The following BRCA2 variants were observed in gnomAD, a reference collection of about 807,000 sequenced individuals.
BRCA2 encodes the protein breast cancer type 2 susceptibility protein.
BRCA2 carries 203 observed loss-of-function variants against 276.7 expected under a neutral mutation model. The observed-to-expected ratio is 0.73, with a 90% CI of 0.65 to 0.82. The LOEUF is 0.82. Ranked by LOEUF, BRCA2 falls within the 40% of genes least tolerant of loss-of-function variation. The pLI is 0.00. For synonymous variants in BRCA2, 1,289 were observed against 1,338.4 expected (o/e 0.96, Z 0.81); for missense variants, 3,920 against 3,915.0 (o/e 1.00, Z -0.03).
At chr13:32,375,913 T>C (rs2072868196) in intron 20 of BRCA2, among the ~76,000 whole-genome samples, 1 of 152,132 alleles carries the variant, frequency 6.6e-6, no homozygotes, top group Non-Finnish European at 1.5e-5. Context: ...CCATGATCCA[T>C]GGGCCACAAA....
Position 32,356,336 on chromosome 13 carries a change from C to T in BRCA2, c.7436-92C>T, listed in dbSNP as rs1208967094. 3 of 1,310,420 alleles carry T rather than the reference C, an allele frequency of 2.3e-6. No homozygotes were observed. In the South Asian group the frequency reaches 3.6e-5, roughly 16 times the overall value. The allele number at this position is 1,310,420 out of a possible 1,614,324, so 81.2% of individuals were successfully genotyped here. On this transcript the variant is annotated intron_variant, in intron 14 of 26. Transcript: ENST00000380152. ...CTGCCCGCCTCAGCCTCCCAAAGTG[C>T]TGGGATTACAGGCGTGAGCCACTGT...
intron 20 of BRCA2, among the ~76,000 whole-genome samples, chr13:32,372,629 G>A (rs2072842221): frequency 6.6e-6 from 1 of 151,978 alleles, no homozygotes; most frequent in Admixed American, 6.5e-5. Context: ...CAACACATGG[G>A]GATTACAATT....
chr13:32,329,234 C>T (rs928027537), intron 7 of BRCA2, among the ~76,000 whole-genome samples: 2 of 152,092 alleles, frequency 1.3e-5, no homozygotes, highest in Admixed American at 6.5e-5. Context: ...TATCTTACCA[C>T]CTTGTGAGTA....
intron 4 of BRCA2, 54 bp downstream of exon 4, chr13:32,325,238 A>G: frequency 2.3e-6 from 3 of 1,294,558 alleles, no homozygotes; most frequent in Middle Eastern, 2.5e-4. Flanking sequence ...TCCTACATAT[A>G]TTTGTTCTAT....
At chr13:32,366,868 C>CAA (rs35628833) in intron 18 of BRCA2, among the ~76,000 whole-genome samples, 2 of 116,086 alleles carry the variant, frequency 1.7e-5, no homozygotes, top group African/African-American at 6.7e-5. Context: ...TCAAAAAGAA[C>CAA]AAAAAAAAAA....
rs11571740 is a variant in BRCA2, at chr13:32,369,699, G to A, written c.8332-703G>A. Among the ~76,000 whole-genome samples the A allele has an allele frequency of 0.014, 2,190 of 152,062 alleles. 56 individuals carry two copies. The highest frequency in any genetic ancestry group is 0.067 in the Admixed American group (1,030 of 15,282). On this transcript the variant is annotated intron_variant, in intron 18 of 26. Transcript: ENST00000380152. ...AGCAGTTCTCCTGCCTCAGCCTCCC[G>A]AGTAGCTGGGATTACAGGCGCCCAC...
intron 1 of BRCA2, 34 bp from the exon 2 acceptor site, chr13:32,316,388 C>T (rs1026907148): frequency 2.8e-5 from 36 of 1,303,700 alleles, no homozygotes; most frequent in East Asian, 2.3e-5. Flanking sequence ...GAATGCATCC[C>T]TGTGTAAGTG....
chr13:32,344,931 G>A (rs2072601236), intron 12 of BRCA2, among the ~76,000 whole-genome samples: 1 of 152,126 alleles, frequency 6.6e-6, no homozygotes, highest in African/African-American at 2.4e-5. Context: ...GAAGATATGA[G>A]TTCACTGAGT....
Position 32,370,425 on chromosome 13 carries a change from T to C in BRCA2, c.8355T>C (p.Pro2785=), listed in dbSNP as rs1057524419. 5.6e-6 allele frequency: 9 copies of C among 1,613,932 alleles called. No individual in the cohort carries two copies. Among genetic ancestry groups the C allele is most frequent in the Non-Finnish European group, 5.9e-6 (7 of 1,179,814 alleles). The change falls in exon 19 of 27, where the codon CCT becomes CCC. Residue 2785 remains proline (P), a synonymous_variant. Coordinates refer to ENST00000380152, the MANE Select transcript of BRCA2 (RefSeq NM_000059.4). ...MLKISANSTR[P]ARWYTKLGFF... Reference sequence around the variant, plus strand: ...AGATTTCTGCTAACAGTACTCGGCCTGCTCGCTGGTATACCAAACTTGGAT... The same window carrying C: ...AGATTTCTGCTAACAGTACTCGGCCCGCTCGCTGGTATACCAAACTTGGAT...
intron 18 of BRCA2, among the ~76,000 whole-genome samples, chr13:32,365,210 T>G (rs1161477266): frequency 7.0e-6 from 1 of 143,152 alleles, no homozygotes; most frequent in East Asian, 2.2e-4. Flanking sequence ...CTGTGTTGCC[T>G]AGGCTGGTCT....
At position 32,399,113 on chromosome 13, in the gene BRCA2, C is replaced by T. The variant is rs2137669782; in HGVS notation, c.*343C>T. 4.0e-6 allele frequency: 1 copy of T among 251,878 alleles called. No individual in the cohort carries two copies. The highest frequency in any genetic ancestry group is 1.2e-4 in the South Asian group (1 of 8,094). The allele number at this position is 251,878 out of a possible 1,614,324, so 15.6% of individuals were successfully genotyped here. On this transcript the variant is annotated 3_prime_UTR_variant, in exon 27 of 27. Transcript: ENST00000380152. ...GCCAGGAGTTCAAGACCAGCCTGGG[C>T]AACATAGGGAGACCCCCATCTTTAC...
At position 32,333,302 on chromosome 13, in the gene BRCA2, C is replaced by G. The variant is rs786202186; in HGVS notation, c.1824C>G (p.Asp608Glu). The change falls in exon 10 of 27, where the codon GAC (aspartate) becomes GAG (glutamate). Residue 608 changes from aspartate (D) to glutamate (E), a missense_variant. Asp to Glu is a conservative substitution (Grantham distance 45). Around this residue, in one of 2 missense-constraint regions of BRCA2, gnomAD observed 3,263 missense variants for 3,156.9 expected, o/e 1.03. Coordinates refer to ENST00000380152, the MANE Select transcript of BRCA2 (RefSeq NM_000059.4). ...TSYKGKKIPKDQKSELINCSA... is the reference protein window; with the variant it reads ...TSYKGKKIPKEQKSELINCSA... Reference sequence around the variant, plus strand: ...ATAAAGGAAAAAAAATACCGAAAGACCAAAAATCAGAACTAATTAACTGTT... The same window carrying G: ...ATAAAGGAAAAAAAATACCGAAAGAGCAAAAATCAGAACTAATTAACTGTT... The G allele has an allele frequency of 6.2e-7, 1 of 1,605,590 alleles. No individual in the cohort carries two copies. Among genetic ancestry groups the G allele is most frequent in the South Asian group, 1.1e-5 (1 of 88,858 alleles).
intron 18 of BRCA2, among the ~76,000 whole-genome samples, chr13:32,364,040 C>T (rs2072764784): frequency 1.3e-5 from 2 of 152,110 alleles, no homozygotes; most frequent in African/African-American, 2.4e-5. Context: ...GAATTTACTT[C>T]TGTGGTATTC....
At chr13:32,330,530 C>T (rs1593889897) in intron 8 of BRCA2, among the ~76,000 whole-genome samples, 1 of 152,258 alleles carries the variant, frequency 6.6e-6, no homozygotes, top group East Asian at 1.9e-4. Flanking sequence ...ACTGTGGTAC[C>T]ACAATAGCCG....
In BRCA2 at chr13:32,339,185, G is replaced by A. The variant is rs80359789; in HGVS notation, c.4830G>A (p.Val1610=). The change falls in exon 11 of 27, where the codon GTG becomes GTA. Residue 1610 remains valine, a synonymous_variant. Coordinates refer to ENST00000380152, the MANE Select transcript of BRCA2 (RefSeq NM_000059.4). ...AAAACCTTGTTTCTATTGAGACTGTGGTGCCACCTAAGCTCTTAAGTGATA... is the reference window on the plus strand; with the variant it reads ...AAAACCTTGTTTCTATTGAGACTGTAGTGCCACCTAAGCTCTTAAGTGATA... ...NDKNLVSIET[V]VPPKLLSDNL... 2.5e-6 allele frequency: 4 copies of A among 1,613,542 alleles called. No individual in the cohort carries two copies. The highest frequency in any genetic ancestry group is 3.4e-6 in the Non-Finnish European group (4 of 1,179,606).
chr13:32,344,173 A>G (rs2072593485), intron 11 of BRCA2, among the ~76,000 whole-genome samples: 1 of 151,874 alleles, frequency 6.6e-6, no homozygotes, highest in African/African-American at 2.4e-5. Flanking sequence ...GCTGAAAAAA[A>G]AAAAAAAAAA....
intron 18 of BRCA2, among the ~76,000 whole-genome samples, chr13:32,364,708 C>A (rs1443407098): frequency 6.6e-6 from 1 of 152,172 alleles, no homozygotes; most frequent in Non-Finnish European, 1.5e-5. Flanking sequence ...TGTGTCCTTA[C>A]ACAGGAGCTA....
At chr13:32,393,349 G>A (rs1391449628) in intron 24 of BRCA2, among the ~76,000 whole-genome samples, 1 of 152,086 alleles carries the variant, frequency 6.6e-6, no homozygotes, top group Non-Finnish European at 1.5e-5. Flanking sequence ...ATTCTATAAG[G>A]AAAAGCTGTG....
chr13:32,380,546 T>C (rs1390847982), intron 24 of BRCA2, among the ~76,000 whole-genome samples: 2 of 147,808 alleles, frequency 1.4e-5, no homozygotes, highest in African/African-American at 5.0e-5. Context: ...TTTTTTTTTT[T>C]TTTTTTTTCC....
Sources: gnomAD v4.1 joint callset for allele counts (sites outside exome capture counted in the v4.1 genomes callset) on GRCh38, gnomAD v4.1.1 for gene constraint, gnomAD v4.1.1 regional missense constraint, MANE v1.5 for transcripts, NCBI Gene and HGNC (gene_info 2026-07-23, HGNC 2026-07-21) for gene names.